Variants in LSAMP observed in about 807,000 individuals in gnomAD.
LSAMP encodes limbic system associated membrane protein.
LSAMP carries 7 observed loss-of-function variants against 38.6 expected under a neutral mutation model. That is an observed-to-expected ratio of 0.18 (90% CI 0.10 to 0.34). LSAMP has a LOEUF of 0.34. Ranked by LOEUF, LSAMP falls within the 10% of genes least tolerant of loss-of-function variation. The pLI, the probability that LSAMP is intolerant of heterozygous loss-of-function variation, is 1.00. For synonymous variants in LSAMP, 154 were observed against 166.8 expected (o/e 0.92, Z 0.59); for missense variants, 313 against 420.0 (o/e 0.75, Z 2.23).
At chr3:115,857,103 G>A (rs987118341) in intron 3 of LSAMP, among the ~76,000 whole-genome samples, 11 of 152,314 alleles carry the variant, frequency 7.2e-5, no homozygotes, top group Admixed American at 7.2e-4. Context: ...GCCATGTCCT[G>A]AGGAATTATC....
intron 1 of LSAMP, among the ~76,000 whole-genome samples, chr3:116,196,038 C>A (rs1281317050): frequency 6.6e-6 from 1 of 152,168 alleles, no homozygotes. Flanking sequence ...GCAAAGTCCA[C>A]GTTTCAGAAA....
chr3:116,302,716 A>G (rs1376195383), intron 1 of LSAMP, among the ~76,000 whole-genome samples: 1 of 152,216 alleles, frequency 6.6e-6, no homozygotes, highest in Admixed American at 6.5e-5. Context: ...CCATTCTCCT[A>G]TAATGGCATT....
chr3:115,826,908 T>A (rs1320256346), intron 6 of LSAMP, among the ~76,000 whole-genome samples: 1 of 150,774 alleles, frequency 6.6e-6, no homozygotes, highest in Non-Finnish European at 1.5e-5. Flanking sequence ...AATGGGAAGG[T>A]TGATCTCCCA....
At chr3:116,015,029 A>G (rs1177691894) in intron 3 of LSAMP, among the ~76,000 whole-genome samples, 1 of 152,180 alleles carries the variant, frequency 6.6e-6, no homozygotes, top group Non-Finnish European at 1.5e-5. Context: ...GTCCAATGAG[A>G]AAATGGGATT....
At chr3:115,980,870 A>G (rs13077497) in intron 3 of LSAMP, among the ~76,000 whole-genome samples, 22,324 of 152,140 alleles carry the variant, frequency 0.15, 1,889 homozygotes, top group Non-Finnish European at 0.2. Context: ...CAGAAAATTT[A>G]AAGGTCATTT....
chr3:116,078,277 C>CTTTATTTATTTA (rs34346607), intron 2 of LSAMP, among the ~76,000 whole-genome samples: 122 of 150,174 alleles, frequency 8.1e-4, no homozygotes, highest in African/African-American at 2.7e-3. Context: ...TTTATATCCT[C>CTTTATTTATTTA]TTTATTTATT....
chr3:116,015,061 T>C (rs1308447035), intron 3 of LSAMP, among the ~76,000 whole-genome samples: 1 of 152,182 alleles, frequency 6.6e-6, no homozygotes, highest in Admixed American at 6.6e-5. Flanking sequence ...AGACTCCTCT[T>C]AGCTTCTCCA....
At chr3:116,379,193 A>T (rs1439890714) in intron 1 of LSAMP, among the ~76,000 whole-genome samples, 2 of 152,086 alleles carry the variant, frequency 1.3e-5, no homozygotes, top group Non-Finnish European at 2.9e-5. Flanking sequence ...TGCTATGGTA[A>T]TTGTAAATTA....
intron 1 of LSAMP, among the ~76,000 whole-genome samples, chr3:116,306,140 T>C (rs2047482814): frequency 1.3e-5 from 2 of 152,010 alleles, no homozygotes; most frequent in South Asian, 2.1e-4. Context: ...TAAAAGTAGG[T>C]ACAATCTTTG....
intron 1 of LSAMP, among the ~76,000 whole-genome samples, chr3:116,207,476 G>T (rs967190207): frequency 6.7e-6 from 1 of 150,312 alleles, no homozygotes; most frequent in Non-Finnish European, 1.5e-5. Flanking sequence ...TTGCTCGTTA[G>T]TTGATGCAGT....
chr3:115,827,862 A>AC (rs1354823942), intron 6 of LSAMP, among the ~76,000 whole-genome samples: 2 of 152,190 alleles, frequency 1.3e-5, no homozygotes, highest in Admixed American at 6.5e-5. Flanking sequence ...GTGTTTCTTC[A>AC]CAGCAGTATA....
chr3:116,123,277 G>A (rs1397877400), intron 1 of LSAMP, among the ~76,000 whole-genome samples: 8 of 152,142 alleles, frequency 5.3e-5, no homozygotes, highest in Admixed American at 3.9e-4. Context: ...GTGGCCAAAG[G>A]CCACCAGAGG....
At chr3:116,273,499 TAAACAACG>T (rs1261311606) in intron 1 of LSAMP, among the ~76,000 whole-genome samples, 3 of 151,302 alleles carry the variant, frequency 2.0e-5, no homozygotes, top group Non-Finnish European at 4.4e-5. Flanking sequence ...AAAAGGAAAT[TAAACAACG>T]AAACAACTTT....
At chr3:116,300,608 G>C (rs1212806599) in intron 1 of LSAMP, among the ~76,000 whole-genome samples, 1 of 152,138 alleles carries the variant, frequency 6.6e-6, no homozygotes, top group Non-Finnish European at 1.5e-5. Flanking sequence ...TGTGAACTGC[G>C]CATATGAAGG....
intron 3 of LSAMP, among the ~76,000 whole-genome samples, chr3:115,905,719 G>T (rs930269215): frequency 6.6e-6 from 1 of 152,048 alleles, no homozygotes; most frequent in Non-Finnish European, 1.5e-5. Flanking sequence ...CACTTATAAG[G>T]CCGATAAAAG....
At chr3:116,069,232 G>A (rs527552711) in intron 2 of LSAMP, among the ~76,000 whole-genome samples, 1 of 152,266 alleles carries the variant, frequency 6.6e-6, no homozygotes, top group South Asian at 2.1e-4. Context: ...CAGCTCACTG[G>A]CCAGGCCCTT....
intron 3 of LSAMP, among the ~76,000 whole-genome samples, chr3:115,922,608 T>C (rs1240577698): frequency 6.6e-6 from 1 of 152,120 alleles, no homozygotes; most frequent in Non-Finnish European, 1.5e-5. Context: ...TGTTTTCTTG[T>C]TTCTCTGTGT....
intron 1 of LSAMP, among the ~76,000 whole-genome samples, chr3:116,294,952 A>G (rs1235216938): frequency 1.3e-5 from 2 of 152,226 alleles, no homozygotes; most frequent in Admixed American, 6.5e-5. Flanking sequence ...AGTTCTTACA[A>G]TCTTTTCCCA....
chr3:115,938,107 ACACTG>A (rs1365571582), intron 3 of LSAMP, among the ~76,000 whole-genome samples: 4 of 152,204 alleles, frequency 2.6e-5, no homozygotes, highest in Non-Finnish European at 5.9e-5. Context: ...ATAGATAAAA[ACACTG>A]CATTCATATT....
Sources: allele counts gnomAD v4.1 joint callset (sites outside exome capture counted in the v4.1 genomes callset), GRCh38; gene constraint gnomAD v4.1.1; transcripts MANE v1.5; gene names NCBI Gene and HGNC (gene_info 2026-07-23, HGNC 2026-07-21).